ZC3H12D: variants seen among roughly 807,000 people sequenced by gnomAD.
The protein encoded by ZC3H12D is probable ribonuclease ZC3H12D.
A neutral mutation model predicts 24.2 loss-of-function variants in ZC3H12D; 11 were observed. The observed-to-expected ratio is 0.46, with a 90% confidence interval of 0.29 to 0.75. The LOEUF (loss-of-function observed/expected upper bound fraction) is 0.75, where lower values mean the gene tolerates loss of function less well. Ranked by LOEUF, ZC3H12D falls within the 30% of genes least tolerant of loss-of-function variation. ZC3H12D has a pLI of 0.11. For synonymous variants in ZC3H12D, 333 were observed against 341.8 expected (o/e 0.97, Z 0.28); for missense variants, 740 against 767.7 (o/e 0.96, Z 0.43).
rs1411427838 is a variant in ZC3H12D at position 149,459,525 on chromosome 6, G to A, written c.445+2306C>T. 7 of 712,718 alleles carry A rather than the reference G, an allele frequency of 9.8e-6. No individual in the cohort carries two copies. In the Admixed American group the frequency reaches 1.4e-4, roughly 14 times the overall value. 44.1% of individuals were successfully genotyped at this position (712,718 alleles called of 1,614,324 possible). Reference sequence around the variant, plus strand: ...AATATGCGCAGAAGGCTGGAGTGGAGGTGGGAGCCATTGCCCTGCAGTCTT... The same window carrying A: ...AATATGCGCAGAAGGCTGGAGTGGAAGTGGGAGCCATTGCCCTGCAGTCTT... On this transcript the variant is annotated intron_variant, in intron 3 of 5. Coordinates refer to ENST00000409806, the MANE Select transcript of ZC3H12D (RefSeq NM_207360.3).
At chr6:149,459,806 C>T in intron 3 of ZC3H12D, 4 of 684,770 alleles carry the variant, frequency 5.8e-6, no homozygotes, top group South Asian at 1.6e-5. Flanking sequence ...AGGCTGCCTG[C>T]CTGCTCCATG....
intron 2 of ZC3H12D, among the ~76,000 whole-genome samples, chr6:149,464,097 C>T (rs1039897544): frequency 1.3e-5 from 2 of 152,152 alleles, no homozygotes; most frequent in Admixed American, 6.5e-5. Flanking sequence ...ATTTCCTGCT[C>T]GCCTGGAGAG....
At chr6:149,455,691 C>T (rs1181065729) in intron 4 of ZC3H12D, among the ~76,000 whole-genome samples, 4 of 152,150 alleles carry the variant, frequency 2.6e-5, no homozygotes, top group Non-Finnish European at 5.9e-5. Flanking sequence ...TTCTCTTGAA[C>T]ATTTCAACCC....
chr6:149,478,497 T>A (rs1284572317), intron 1 of ZC3H12D, among the ~76,000 whole-genome samples: 2 of 152,208 alleles, frequency 1.3e-5, no homozygotes, highest in Non-Finnish European at 2.9e-5. Context: ...ATTTTTTAAG[T>A]TCTTAGTTTT....
At chr6:149,460,965 C>T (rs902019166) in intron 3 of ZC3H12D, among the ~76,000 whole-genome samples, 6 of 152,196 alleles carry the variant, frequency 3.9e-5, no homozygotes, top group Admixed American at 1.3e-4. Context: ...TAGTGAGACT[C>T]CATCTCAAAA....
intron 3 of ZC3H12D, chr6:149,459,560 C>T (rs1405017547): frequency 4.2e-6 from 3 of 716,948 alleles, no homozygotes; most frequent in Middle Eastern, 2.3e-4. Flanking sequence ...TGGAGCACTT[C>T]TGGTGGTGGA....
Position 149,451,376 on chromosome 6 carries a change from G to T in ZC3H12D, c.891C>A (p.Ala297=). The T allele has an allele frequency of 6.5e-7, 1 of 1,547,046 alleles. No individual in the cohort carries two copies. ...VADELRAKTG[A]RPGAGAEEQR... ...GCTCCTCGGCGCCCGCGCCAGGCCG[G>T]GCCCCTGTCTTGGCGCGGAGCTCGT... Residue 297 remains alanine (A), a synonymous_variant, in exon 6 of 6, where the codon GCC becomes GCA. Transcript: ENST00000409806.
intron 1 of ZC3H12D, among the ~76,000 whole-genome samples, chr6:149,479,300 G>C (rs188136387): frequency 4.6e-5 from 7 of 152,218 alleles, no homozygotes; most frequent in Non-Finnish European, 7.3e-5. Flanking sequence ...GGTTGAGGCT[G>C]CAGTGAGCTG....
intron 3 of ZC3H12D, among the ~76,000 whole-genome samples, chr6:149,460,997 C>T (rs148236925): frequency 7.2e-5 from 11 of 152,172 alleles, no homozygotes; most frequent in African/African-American, 2.6e-4. Context: ...AATAATAAAA[C>T]TGCAGTATTC....
intron 1 of ZC3H12D, among the ~76,000 whole-genome samples, chr6:149,478,728 G>A (rs1471294432): frequency 6.6e-6 from 1 of 152,054 alleles, no homozygotes; most frequent in African/African-American, 2.4e-5. Context: ...AGAACATCCA[G>A]TGTCTTTACT....
chr6:149,447,956 C>T lies in ZC3H12D; in HGVS notation c.*2727G>A, dbSNP rs771407716. ...ATCGAACCAGGGAGACAAAAAGCAG[C>T]TCTAATAGAAAGCGTGTCTTGTCAA... On this transcript the variant is annotated 3_prime_UTR_variant, in exon 6 of 6. Coordinates refer to ENST00000409806, the MANE Select transcript of ZC3H12D (RefSeq NM_207360.3). The T allele has an allele frequency of 9.9e-5, 15 of 152,196 alleles. No homozygotes were observed. Among genetic ancestry groups the T allele is most frequent in the Non-Finnish European group, 1.8e-4 (12 of 68,034 alleles). The allele number at this position is 152,196 out of a possible 1,614,324, so 9.4% of individuals were successfully genotyped here.
intron 2 of ZC3H12D, among the ~76,000 whole-genome samples, chr6:149,465,533 T>A (rs576487662): frequency 1.3e-5 from 2 of 151,954 alleles, no homozygotes; most frequent in Admixed American, 1.3e-4. Flanking sequence ...GGAGAAAGGA[T>A]CACGAGGTCA....
In ZC3H12D at chr6:149,456,928, T is replaced by TGAG; in HGVS notation, c.446-31_446-29dup. 2 of 1,583,968 alleles carry TGAG rather than the reference T, an allele frequency of 1.3e-6. No homozygotes were observed. The highest frequency in any genetic ancestry group is 1.7e-6 in the Non-Finnish European group (2 of 1,168,240). ...GAGGGCGGGGCGACGGAGACGCGGG[T>TGAG]GAGGGCCCAAGGGCACCGCCCCTGA... is the stretch of plus-strand genomic sequence containing the variant. On this transcript the variant is annotated intron_variant, in intron 3 of 5. Coordinates refer to ENST00000409806, the MANE Select transcript of ZC3H12D (RefSeq NM_207360.3). The surrounding 1 kb of genome is among the most constrained non-coding windows in gnomAD (Gnocchi z 4.3).
At position 149,452,716 on chromosome 6, in the gene ZC3H12D, C is replaced by T; in HGVS notation, c.687G>A (p.Met229Ile). 1 of 1,601,228 alleles carries T rather than the reference C, an allele frequency of 6.2e-7. No individual in the cohort carries two copies. The change falls in exon 5 of 6, where the codon ATG becomes ATA. Residue 229 changes from methionine to isoleucine, a missense_variant. Met to Ile is a conservative substitution (Grantham distance 10). Transcript: ENST00000409806. This position sits in a 1 kb window ranked among gnomAD's most constrained non-coding sequence, Gnocchi z 4.0. ...LMFSFVNDRF[M>I]PPDDPLGRHG... is the part of the protein sequence containing the mutation. ...GGCGGCCCAGGGGGTCATCAGGCGG[C>T]ATGAACCTGGAAAATAAGCACAGGG...
chr6:149,476,733 A>T (rs567783010), intron 1 of ZC3H12D, among the ~76,000 whole-genome samples: 2 of 152,292 alleles, frequency 1.3e-5, no homozygotes, highest in South Asian at 4.1e-4. Flanking sequence ...ACTTGAGCCC[A>T]GGAGTTTGAG....
intron 1 of ZC3H12D, among the ~76,000 whole-genome samples, chr6:149,481,520 C>T (rs966612752): frequency 5.3e-5 from 8 of 151,674 alleles, no homozygotes; most frequent in African/African-American, 1.9e-4. Context: ...GGACTACAGG[C>T]ACATGCCACC....
Position 149,484,877 on chromosome 6 carries a change from CA to C in ZC3H12D, c.-136del, listed in dbSNP as rs919979277. 6.6e-6 allele frequency: 1 copy of C among 152,214 alleles called. No individual in the cohort carries two copies. Among genetic ancestry groups the C allele is most frequent in the African/African-American group, 2.4e-5 (1 of 41,446 alleles). The allele number at this position is 152,214 out of a possible 1,614,324, so 9.4% of individuals were successfully genotyped here. ...GCCCAGTCGCCAGCAGCCTTCACGC[CA>C]ATGTTCTCCCGTCAGTGAGGCCAGG... On this transcript the variant is annotated 5_prime_UTR_variant, in exon 1 of 6. In the 5' UTR this introduces an upstream ATG that the reference lacks. Coordinates refer to ENST00000409806, the MANE Select transcript of ZC3H12D (RefSeq NM_207360.3).
chr6:149,463,593 C>T (rs1776108802), intron 2 of ZC3H12D, among the ~76,000 whole-genome samples: 1 of 152,176 alleles, frequency 6.6e-6, no homozygotes, highest in Non-Finnish European at 1.5e-5. Flanking sequence ...CCTATAATCC[C>T]AGCTACTCAG....
chr6:149,456,529 TG>T lies in ZC3H12D; in HGVS notation c.680+136del. The T allele has an allele frequency of 1.4e-6, 1 of 722,730 alleles. No homozygotes were observed. The highest frequency in any genetic ancestry group is 2.3e-6 in the Non-Finnish European group (1 of 442,136). 44.8% of individuals were successfully genotyped at this position (722,730 alleles called of 1,614,324 possible). A position where few individuals can be genotyped will look rare whatever the true frequency, so the allele number is the denominator to read the frequency against. ...GACGTGCCCGCCGAGAATGCGGACC[TG>T]GGGGAGCTCTGTCTGAGGGGCTGGG... On this transcript the variant is annotated intron_variant, in intron 4 of 5. Transcript: ENST00000409806. The surrounding 1 kb of genome is among the most constrained non-coding windows in gnomAD (Gnocchi z 4.3).
Sources: allele counts gnomAD v4.1 joint callset (sites outside exome capture counted in the v4.1 genomes callset), GRCh38; gene constraint gnomAD v4.1.1; non-coding constraint Gnocchi (gnomAD v3.1); transcripts MANE v1.5; gene names NCBI Gene and HGNC (gene_info 2026-07-23, HGNC 2026-07-21).